Variants in PIK3R4 observed in about 807,000 individuals in gnomAD.
The protein encoded by PIK3R4 is phosphoinositide 3-kinase regulatory subunit 4.
A neutral mutation model predicts 136.5 loss-of-function variants in PIK3R4; 46 were observed. That is an observed-to-expected ratio of 0.34 (90% confidence interval 0.27 to 0.43). PIK3R4 has a LOEUF of 0.43. Ranked by LOEUF, PIK3R4 falls within the 20% of genes least tolerant of loss-of-function variation. PIK3R4 has a pLI of 1.00. For missense variants in PIK3R4, 1,331 were observed against 1,649.5 expected (o/e 0.81, Z 3.35); for synonymous variants, 557 against 566.7 (o/e 0.98, Z 0.24).
chr3:130,681,044 C>T lies in PIK3R4; in HGVS notation c.3730G>A (p.Gly1244Ser). 1.3e-6 allele frequency: 2 copies of T among 1,589,388 alleles called. No homozygotes were observed. The highest frequency in any genetic ancestry group is 1.7e-6 in the Non-Finnish European group (2 of 1,157,710). The change falls in exon 18 of 20, where the codon GGT (glycine) becomes AGT (serine). Residue 1244 changes from glycine to serine, a missense_variant. Physicochemically the swap from Gly to Ser is moderately conservative, Grantham distance 56. Transcript: ENST00000356763. ...CCATCTGCAGGACTACAGTAGATAC[C>T]ATGGACGCTATGAGGAGAAGGCTTA... ...ELQPSPHSVH[G>S]IYCSPADGNP...
intron 7 of PIK3R4, among the ~76,000 whole-genome samples, chr3:130,720,265 G>A (rs958107311): frequency 1.3e-5 from 2 of 151,806 alleles, no homozygotes; most frequent in African/African-American, 4.8e-5. Flanking sequence ...GCACGATCTC[G>A]ACTCATCGCA....
intron 14 of PIK3R4, among the ~76,000 whole-genome samples, chr3:130,689,356 A>G (rs186029653): frequency 7.2e-5 from 11 of 152,278 alleles, no homozygotes; most frequent in Admixed American, 2.6e-4. Flanking sequence ...CCAAGTTATT[A>G]AATAATTTAC....
At chr3:130,691,729 T>TA (rs2066520034) in intron 13 of PIK3R4, among the ~76,000 whole-genome samples, 1 of 152,002 alleles carries the variant, frequency 6.6e-6, no homozygotes, top group Non-Finnish European at 1.5e-5. Context: ...TAAAAACATT[T>TA]ATAATACCAC....
intron 9 of PIK3R4, 87 bp downstream of exon 9, chr3:130,716,309 C>CA (rs1281958003): frequency 9.3e-7 from 1 of 1,079,808 alleles, no homozygotes; most frequent in Non-Finnish European, 1.4e-6. Context: ...TCTAATCAAT[C>CA]AAAAACATTT....
At chr3:130,719,103 T>C (rs751606538) in intron 7 of PIK3R4, among the ~76,000 whole-genome samples, 1 of 152,136 alleles carries the variant, frequency 6.6e-6, no homozygotes. Flanking sequence ...AAGGCAATGA[T>C]GAATGGAAAC....
chr3:130,679,676 G>A (rs74861251), intron 19 of PIK3R4, among the ~76,000 whole-genome samples, 191 bp from the exon 20 acceptor site: 106 of 152,256 alleles, frequency 7.0e-4, no homozygotes, highest in African/African-American at 2.3e-3. Flanking sequence ...CCTAGTCATT[G>A]GATTTCATGA....
chr3:130,680,868 G>A (rs2066453923), intron 18 of PIK3R4, 109 bp downstream of exon 18: 1 of 759,582 alleles, frequency 1.3e-6, no homozygotes, highest in Non-Finnish European at 2.2e-6. Context: ...TACAAATAAA[G>A]TATTAACAGC....
intron 4 of PIK3R4, among the ~76,000 whole-genome samples, chr3:130,730,816 C>T (rs1163121001): frequency 6.6e-6 from 1 of 151,632 alleles, no homozygotes; most frequent in Non-Finnish European, 1.5e-5. Context: ...ATTAAAATAA[C>T]AGATAAAGCT....
intron 9 of PIK3R4, among the ~76,000 whole-genome samples, chr3:130,709,615 C>A (rs1386816029): frequency 1.3e-5 from 2 of 152,150 alleles, no homozygotes; most frequent in Non-Finnish European, 2.9e-5. Context: ...ACAATAGCTA[C>A]CTTATAGCTA....
chr3:130,724,983 A>G (rs1333337954), intron 6 of PIK3R4, among the ~76,000 whole-genome samples: 1 of 152,000 alleles, frequency 6.6e-6, no homozygotes, highest in Non-Finnish European at 1.5e-5. Context: ...TTTTTCATAC[A>G]TTATACATTT....
intron 1 of PIK3R4, among the ~76,000 whole-genome samples, chr3:130,746,030 T>G (rs35512150): frequency 7.2e-5 from 9 of 125,548 alleles, no homozygotes; most frequent in South Asian, 5.0e-4. Flanking sequence ...TCTCAAAAAA[T>G]AAAAAAAAAA....
intron 10 of PIK3R4, among the ~76,000 whole-genome samples, chr3:130,708,084 T>C (rs1464327582): frequency 6.6e-6 from 1 of 152,222 alleles, no homozygotes; most frequent in East Asian, 1.9e-4. Flanking sequence ...TACAGAGCTG[T>C]GATTCTGGCA....
chr3:130,708,518 C>T (rs1199803674), intron 9 of PIK3R4, 26 bp from the exon 10 acceptor site: 1 of 1,570,998 alleles, frequency 6.4e-7, no homozygotes, highest in Non-Finnish European at 8.7e-7. Flanking sequence ...ACCATATGTT[C>T]TAGTTTATTT....
intron 13 of PIK3R4, among the ~76,000 whole-genome samples, chr3:130,692,753 A>C (rs1576451987): frequency 6.6e-6 from 1 of 152,254 alleles, no homozygotes; most frequent in East Asian, 1.9e-4. Context: ...ATGAGTAAAG[A>C]CAGCCAGTGA....
At position 130,718,325 on chromosome 3, in the gene PIK3R4, A is replaced by G. The variant is rs988661975; in HGVS notation, c.2127+64T>C. The G allele has an allele frequency of 2.8e-6, 4 of 1,420,818 alleles. No individual in the cohort carries two copies. In the East Asian group the frequency reaches 6.9e-5, roughly 24 times the overall value. The allele number at this position is 1,420,818 out of a possible 1,614,324, so 88.0% of individuals were successfully genotyped here. On this transcript the variant is annotated intron_variant, in intron 8 of 19. Coordinates refer to ENST00000356763, the MANE Select transcript of PIK3R4 (RefSeq NM_014602.3). ...AATGTTAAGAAAAATAGGACTCTCT[A>G]AACATTTTTTTTAAAGAGGCACAGT...
chr3:130,685,167 A>G (rs1024223639), intron 15 of PIK3R4, among the ~76,000 whole-genome samples: 13 of 152,214 alleles, frequency 8.5e-5, no homozygotes, highest in African/African-American at 2.7e-4. Flanking sequence ...AATGTTGATC[A>G]AAGAGTACAA....
intron 6 of PIK3R4, among the ~76,000 whole-genome samples, chr3:130,728,029 CATG>C (rs2066742918): frequency 1.3e-5 from 2 of 152,120 alleles, no homozygotes; most frequent in African/African-American, 4.8e-5. Context: ...GATTTTCAAC[CATG>C]ATTATATTTT....
At chr3:130,707,251 T>G in intron 10 of PIK3R4, 116 bp from the exon 11 acceptor site, 3 of 536,708 alleles carry the variant, frequency 5.6e-6, no homozygotes, top group Non-Finnish European at 9.4e-6. Flanking sequence ...CACTTCATAT[T>G]CTATTTGTTC....
At chr3:130,705,313 G>A (rs547865778) in intron 12 of PIK3R4, among the ~76,000 whole-genome samples, 1 of 152,152 alleles carries the variant, frequency 6.6e-6, no homozygotes, top group Admixed American at 6.6e-5. Flanking sequence ...CTATAAATGG[G>A]GAAAATGAAG....
Sources: allele counts gnomAD v4.1 joint callset (sites outside exome capture counted in the v4.1 genomes callset), GRCh38; gene constraint gnomAD v4.1.1; transcripts MANE v1.5; gene names NCBI Gene and HGNC (gene_info 2026-07-23, HGNC 2026-07-21).